The following PDE4A variants were observed in gnomAD, a reference collection of about 807,000 sequenced individuals.
The protein encoded by PDE4A is 3',5'-cyclic-AMP phosphodiesterase 4A.
In PDE4A, 21 loss-of-function variants were observed where a neutral mutation model predicts 73.9. The observed-to-expected ratio is 0.28, with a 90% CI of 0.20 to 0.41. PDE4A has a LOEUF of 0.41. Ranked by LOEUF, PDE4A falls within the 10% of genes least tolerant of loss-of-function variation. The probability of loss-of-function intolerance (pLI) is 1.00; values close to 1 mark genes in which losing one functional copy is unlikely to be tolerated. For synonymous variants in PDE4A, 463 were observed against 505.4 expected (o/e 0.92, Z 1.13); for missense variants, 958 against 1,211.4 (o/e 0.79, Z 3.10).
upstream of PDE4A, chr19:10,418,674 C>A: frequency 1.3e-6 from 1 of 787,190 alleles, no homozygotes; most frequent in Non-Finnish European, 1.5e-6. Context: ...GTTTATCCCC[C>A]AGCTCAGGCC....
In PDE4A at chr19:10,421,102, G is replaced by T; in HGVS notation, c.320+18G>T. On this transcript the variant is annotated intron_variant, in intron 1 of 14. Transcript: ENST00000380702. The stretch of plus-strand genomic sequence containing the variant: ...AGCAGGCGGTAAGACTCCCCGCGGC[G>T]GATGCGCGCGGAACGGATGGGCGCG... 1 of 1,361,188 alleles carries T rather than the reference G, an allele frequency of 7.3e-7. No homozygotes were observed. The highest frequency in any genetic ancestry group is 9.4e-7 in the Non-Finnish European group (1 of 1,064,964). 84.3% of individuals were successfully genotyped at this position (1,361,188 alleles called of 1,614,324 possible). A position where few individuals can be genotyped will look rare whatever the true frequency, so the allele number is the denominator to read the frequency against.
In PDE4A at chr19:10,457,442, G is replaced by A. The variant is rs866888426; in HGVS notation, c.878-437G>A. Among the ~76,000 whole-genome samples, 307 of 131,026 alleles carry A rather than the reference G, an allele frequency of 2.3e-3. 17 individuals are homozygous for A. Among genetic ancestry groups the A allele is most frequent in the African/African-American group, 8.0e-3 (295 of 36,710 alleles). 86.0% of individuals were successfully genotyped at this position (131,026 alleles called of 152,430 possible). A position where few individuals can be genotyped will look rare whatever the true frequency, so the allele number is the denominator to read the frequency against. On this transcript the variant is annotated intron_variant, in intron 7 of 14. Coordinates refer to ENST00000380702, the MANE Select transcript of PDE4A (RefSeq NM_001111307.2). ...GGTGCCAAGGTGGGCGGGGGGGGGG[G>A]GGGGCAGGGACATGGAGCCAGAGAC... is the stretch of plus-strand genomic sequence containing the variant.
intron 1 of PDE4A, chr19:10,428,909 C>T: frequency 1.0e-6 from 1 of 981,842 alleles, no homozygotes; most frequent in Non-Finnish European, 1.2e-6. Context: ...CGAGACCAAC[C>T]TGGCCAACAT....
At chr19:10,432,808 C>T (rs566369670) in intron 1 of PDE4A, among the ~76,000 whole-genome samples, 11 of 152,290 alleles carry the variant, frequency 7.2e-5, no homozygotes, top group African/African-American at 1.2e-4. Flanking sequence ...AGGTAGGACC[C>T]GTCACCCTCT....
Position 10,453,114 on chromosome 19 carries a change from C to T in PDE4A, c.784-1715C>T. 1 of 1,364,566 alleles carries T rather than the reference C, an allele frequency of 7.3e-7. No individual in the cohort carries two copies. The highest frequency in any genetic ancestry group is 9.4e-7 in the Non-Finnish European group (1 of 1,060,592). The allele number at this position is 1,364,566 out of a possible 1,614,324, so 84.5% of individuals were successfully genotyped here. A position where few individuals can be genotyped will look rare whatever the true frequency, so the allele number is the denominator to read the frequency against. On this transcript the variant is annotated intron_variant, in intron 6 of 14. Transcript: ENST00000380702. The surrounding 1 kb of genome is among the most constrained non-coding windows in gnomAD (Gnocchi z 4.6). ...TGGGAGCGCGGAGGGGAAGGGAGCC[C>T]CCAGCCCTGCTGGGCCGGCCCAGGC... is the stretch of plus-strand genomic sequence containing the variant.
intron 14 of PDE4A, among the ~76,000 whole-genome samples, chr19:10,465,439 C>T (rs1222825128): frequency 5.3e-5 from 8 of 151,658 alleles, no homozygotes; most frequent in Non-Finnish European, 8.8e-5. Context: ...AGGCTGGTCT[C>T]GAACTCCCGA....
chr19:10,422,686 C>A (rs918705676), intron 1 of PDE4A, among the ~76,000 whole-genome samples: 2 of 152,098 alleles, frequency 1.3e-5, no homozygotes, highest in African/African-American at 4.8e-5. Context: ...GTTCTGATCA[C>A]CCCCCAGCCC....
chr19:10,451,867 G>A (rs766846792), intron 6 of PDE4A, among the ~76,000 whole-genome samples: 17 of 152,186 alleles, frequency 1.1e-4, no homozygotes, highest in East Asian at 1.9e-4. Context: ...TGATCTGTAG[G>A]TGGGAGTGTC....
Position 10,458,061 on chromosome 19 carries a change from C to T in PDE4A, c.1060C>T (p.Arg354Ter). ...CAGCCTGAACAACTCTAACATTCCC[C>T]GATTTGGGGTGAAGACCGATCAAGA... The part of the protein sequence containing the change: ...SNSLNNSNIP[R>*]FGVKTDQEEL... Residue 354 changes from arginine to a stop codon, truncating the protein, a stop_gained, in exon 8 of 15, where the codon CGA (arginine) becomes TGA (stop). Transcript: ENST00000380702. LOFTEE classifies it high-confidence loss of function. The surrounding 1 kb of genome is among the most constrained non-coding windows in gnomAD (Gnocchi z 4.6). 2.5e-6 allele frequency: 4 copies of T among 1,613,818 alleles called. No homozygotes were observed. The highest frequency in any genetic ancestry group is 3.4e-6 in the Non-Finnish European group (4 of 1,180,026).
chr19:10,450,277 G>T (rs974825584), intron 4 of PDE4A, among the ~76,000 whole-genome samples: 1 of 152,158 alleles, frequency 6.6e-6, no homozygotes, highest in Non-Finnish European at 1.5e-5. Context: ...GGGGGTGGGG[G>T]ATAGAGACAT....
intron 7 of PDE4A, among the ~76,000 whole-genome samples, chr19:10,457,210 T>C (rs891401386): frequency 5.3e-5 from 8 of 151,952 alleles, no homozygotes; most frequent in Non-Finnish European, 1.2e-4. Flanking sequence ...AGAAAAAAAG[T>C]GTTCGGTGTT....
At chr19:10,427,845 A>G in intron 1 of PDE4A, 1 of 985,248 alleles carries the variant, frequency 1.0e-6, no homozygotes, top group Non-Finnish European at 1.2e-6. Flanking sequence ...ACAAAAATGC[A>G]TTTCTGGGAC....
chr19:10,461,418 G>C (rs2043267668), intron 11 of PDE4A, 108 bp from the exon 12 acceptor site: 2 of 1,542,068 alleles, frequency 1.3e-6, no homozygotes, highest in African/African-American at 1.4e-5. Context: ...GGCTGGAGGC[G>C]AGGCTGGCCG....
At chr19:10,462,875 T>C (rs1386031785) in intron 13 of PDE4A, among the ~76,000 whole-genome samples, 1 of 151,386 alleles carries the variant, frequency 6.6e-6, no homozygotes, top group East Asian at 1.9e-4. Flanking sequence ...CTCTCCCTAC[T>C]CCCTCCCTCC....
chr19:10,460,081 C>G (rs1252689677), intron 10 of PDE4A, among the ~76,000 whole-genome samples: 2 of 152,022 alleles, frequency 1.3e-5, no homozygotes, highest in Non-Finnish European at 2.9e-5. Context: ...GATGGCGTTT[C>G]GCCAAGTTGG....
intron 1 of PDE4A, among the ~76,000 whole-genome samples, chr19:10,441,689 T>A (rs937665394): frequency 7.0e-5 from 10 of 143,226 alleles, no homozygotes; most frequent in Admixed American, 1.4e-4. Context: ...GAGTTATTTT[T>A]TTTTTTTTTT....
At chr19:10,451,315 T>C (rs1303485841) in intron 6 of PDE4A, among the ~76,000 whole-genome samples, 4 of 152,110 alleles carry the variant, frequency 2.6e-5, no homozygotes, top group Admixed American at 6.5e-5. Context: ...AGATTATGAC[T>C]TTCCCCAGGG....
intron 1 of PDE4A, among the ~76,000 whole-genome samples, chr19:10,425,272 T>C (rs1429712352): frequency 6.6e-6 from 1 of 151,592 alleles, no homozygotes; most frequent in Non-Finnish European, 1.5e-5. Flanking sequence ...TGCAGACCGC[T>C]GGGTAACATT....
chr19:10,456,679 T>C (rs1286660237), intron 7 of PDE4A, among the ~76,000 whole-genome samples: 1 of 150,950 alleles, frequency 6.6e-6, no homozygotes, highest in African/African-American at 2.4e-5. Flanking sequence ...ATTGCGCCAC[T>C]GCACTCCAGC....
Sources: gnomAD v4.1 joint callset for allele counts (sites outside exome capture counted in the v4.1 genomes callset) on GRCh38, gnomAD v4.1.1 for gene constraint, Gnocchi (gnomAD v3.1) non-coding constraint, MANE v1.5 for transcripts, NCBI Gene and HGNC (gene_info 2026-07-23, HGNC 2026-07-21) for gene names.